Variants in ZNF507 observed in about 807,000 individuals in gnomAD.
ZNF507 encodes the protein zinc finger protein 507.
A neutral mutation model predicts 80.0 loss-of-function variants in ZNF507; 29 were observed. The observed-to-expected ratio is 0.36, with a 90% CI of 0.27 to 0.49. The LOEUF (loss-of-function observed/expected upper bound fraction) is 0.49, where lower values mean the gene tolerates loss of function less well. Among genes scored for constraint, ZNF507 ranks in the 20% least tolerant of loss-of-function variants. The pLI, the probability that ZNF507 is intolerant of heterozygous loss-of-function variation, is 0.98. For synonymous variants in ZNF507, 462 were observed against 422.5 expected, an observed-to-expected ratio of 1.09 and a Z score of -1.15; for missense variants, 1,081 against 1,152.2, an observed-to-expected ratio of 0.94 and a Z score of 0.90.
intron 2 of ZNF507, 60 bp from the exon 3 acceptor site, chr19:32,352,769 T>G (rs1300273159): frequency 6.9e-7 from 1 of 1,449,558 alleles, no homozygotes; most frequent in Non-Finnish European, 9.3e-7. Flanking sequence ...ATTTTCCAAA[T>G]TACATGCCTG....
At chr19:32,372,012 A>G (rs975820099) in intron 5 of ZNF507, among the ~76,000 whole-genome samples, 1 of 152,184 alleles carries the variant, frequency 6.6e-6, no homozygotes, top group Non-Finnish European at 1.5e-5. Context: ...CAGTGCATTT[A>G]TATTGATGTG....
chr19:32,350,727 C>T (rs1284424242), intron 2 of ZNF507, among the ~76,000 whole-genome samples: 1 of 152,174 alleles, frequency 6.6e-6, no homozygotes, highest in East Asian at 1.9e-4. Context: ...ATGGGTGTTA[C>T]ATTTCATGGG....
At chr19:32,350,571 CA>C (rs1428193857) in intron 2 of ZNF507, among the ~76,000 whole-genome samples, 35 of 152,226 alleles carry the variant, frequency 2.3e-4, no homozygotes, top group Middle Eastern at 3.4e-3. Flanking sequence ...CTGAAATATC[CA>C]CAGGGAGCAA....
At chr19:32,381,106 TA>T (rs1187273605) in intron 5 of ZNF507, among the ~76,000 whole-genome samples, 2 of 152,130 alleles carry the variant, frequency 1.3e-5, no homozygotes, top group Non-Finnish European at 2.9e-5. Context: ...GAAAGACATG[TA>T]AAAACCATAC....
intron 5 of ZNF507, among the ~76,000 whole-genome samples, chr19:32,363,071 G>A (rs754400870): frequency 1.3e-5 from 2 of 152,180 alleles, no homozygotes; most frequent in Non-Finnish European, 2.9e-5. Flanking sequence ...TGCTTTAAGC[G>A]GAGCTGGTAG....
intron 5 of ZNF507, among the ~76,000 whole-genome samples, chr19:32,372,837 T>G (rs1241934682): frequency 6.6e-6 from 1 of 152,082 alleles, no homozygotes; most frequent in Non-Finnish European, 1.5e-5. Flanking sequence ...CAACGTTAGT[T>G]TTGGTGTTGA....
At chr19:32,370,592 C>T (rs550714234) in intron 5 of ZNF507, among the ~76,000 whole-genome samples, 2 of 152,128 alleles carry the variant, frequency 1.3e-5, no homozygotes, top group African/African-American at 2.4e-5. Context: ...TGTCCTTCTG[C>T]TATTGAGTTA....
chr19:32,358,848 T>A (rs1967285541), intron 4 of ZNF507: 1 of 152,200 alleles, frequency 6.6e-6, no homozygotes, highest in African/African-American at 2.4e-5. Flanking sequence ...GCATTTCCAA[T>A]TTGTAGATGA....
intron 5 of ZNF507, among the ~76,000 whole-genome samples, chr19:32,378,094 G>A (rs546710150): frequency 2.6e-5 from 4 of 152,198 alleles, no homozygotes; most frequent in East Asian, 3.9e-4. Flanking sequence ...GGCTCAGTGC[G>A]TGTAATCCCA....
Position 32,354,000 on chromosome 19 carries a change from TA to T in ZNF507, c.1176del (p.His394MetfsTer4). 6.2e-7 allele frequency: 1 copy of T among 1,613,948 alleles called. No individual in the cohort carries two copies. The highest frequency in any genetic ancestry group is 8.5e-7 in the Non-Finnish European group (1 of 1,179,980). ...AQKIISSSPN[K>X]KGHVNVIVER... is the part of the protein sequence containing the mutation. The stretch of plus-strand genomic sequence containing the variant: ...AGAAAATCATCAGCAGCAGCCCCAA[TA>T]AAAAAGGGCATGTTAACGTGATAGT... On this transcript the variant is annotated frameshift_variant, in exon 3 of 7. Coordinates refer to ENST00000355898, the MANE Select transcript of ZNF507 (RefSeq NM_001136156.2). LOFTEE classifies it high-confidence loss of function.
chr19:32,375,196 T>C (rs576612095), intron 5 of ZNF507, among the ~76,000 whole-genome samples: 1 of 152,208 alleles, frequency 6.6e-6, no homozygotes, highest in Non-Finnish European at 1.5e-5. Flanking sequence ...CATTTGCCGA[T>C]GTCTGGAGAC....
Position 32,353,390 on chromosome 19 carries a change from A to T in ZNF507, c.560A>T (p.Gln187Leu). Residue 187 changes from glutamine to leucine, a missense_variant, in exon 3 of 7, where the codon CAA becomes CTA. Around this residue, in one of 6 missense-constraint regions of ZNF507, gnomAD observed 275 missense variants for 303.9 expected, o/e 0.90. Coordinates refer to ENST00000355898, the MANE Select transcript of ZNF507 (RefSeq NM_001136156.2). ...GACAATGATGCCAATATCCACACCC[A>T]ATCCAAAGCCCAACAGTGCGTAAGC... is the stretch of plus-strand genomic sequence containing the variant. Reference protein sequence around the residue: ...DHDNDANIHTQSKAQQCVSPS... With the variant: ...DHDNDANIHTLSKAQQCVSPS... The T allele has an allele frequency of 6.2e-7, 1 of 1,614,222 alleles. No individual in the cohort carries two copies. Among genetic ancestry groups the T allele is most frequent in the Non-Finnish European group, 8.5e-7 (1 of 1,180,044 alleles).
rs149527910 is a variant in ZNF507, at chr19:32,353,654, A to G, written c.824A>G (p.Asp275Gly). The G allele has an allele frequency of 2.5e-6, 4 of 1,614,070 alleles. No individual in the cohort carries two copies. The African/African-American group carries it at 4.0e-5, about 16-fold the overall frequency. ...THAWKHAGEV[D>G]CSYPIFENEN... is the part of the protein sequence containing the mutation. Reference sequence around the variant, plus strand: ...GCTTGGAAACATGCTGGGGAGGTTGATTGCTCCTATCCAATCTTTGAAAAT... The same window carrying G: ...GCTTGGAAACATGCTGGGGAGGTTGGTTGCTCCTATCCAATCTTTGAAAAT... The change falls in exon 3 of 7, where the codon GAT becomes GGT. Residue 275 changes from aspartate to glycine, a missense_variant. Transcript: ENST00000355898.
chr19:32,358,281 C>G (rs1967277648), intron 4 of ZNF507: 1 of 152,152 alleles, frequency 6.6e-6, no homozygotes, highest in African/African-American at 2.4e-5. Context: ...ATTTTTAGCT[C>G]ACAAATAAGG....
chr19:32,348,354 A>C (rs1190026824), intron 2 of ZNF507, among the ~76,000 whole-genome samples: 3 of 152,162 alleles, frequency 2.0e-5, no homozygotes, highest in Non-Finnish European at 4.4e-5. Flanking sequence ...TCTGAAAGAG[A>C]AGGTTCTTTT....
At chr19:32,358,304 A>T (rs1967277964) in intron 4 of ZNF507, 1 of 152,234 alleles carries the variant, frequency 6.6e-6, no homozygotes, top group African/African-American at 2.4e-5. Context: ...ATAATAATTC[A>T]TGCTTTGTTA....
intron 5 of ZNF507, among the ~76,000 whole-genome samples, chr19:32,363,451 A>G (rs551079894): frequency 2.6e-5 from 4 of 152,196 alleles, no homozygotes; most frequent in Admixed American, 2.6e-4. Context: ...CCAGTCCTTC[A>G]ATGACCCCAT....
chr19:32,355,826 C>T (rs1967244025), intron 3 of ZNF507, among the ~76,000 whole-genome samples: 1 of 151,910 alleles, frequency 6.6e-6, no homozygotes, highest in African/African-American at 2.4e-5. Context: ...ACTGTGAAAC[C>T]CTGTCTGCTA....
intron 5 of ZNF507, among the ~76,000 whole-genome samples, chr19:32,378,312 C>T (rs774578813): frequency 5.9e-5 from 9 of 152,082 alleles, no homozygotes; most frequent in Non-Finnish European, 1.2e-4. Flanking sequence ...GAGACCACAA[C>T]GCTGCACTCC....
Sources: gnomAD v4.1 joint callset for allele counts (sites outside exome capture counted in the v4.1 genomes callset) on GRCh38, gnomAD v4.1.1 for gene constraint, gnomAD v4.1.1 regional missense constraint, MANE v1.5 for transcripts, NCBI Gene and HGNC (gene_info 2026-07-23, HGNC 2026-07-21) for gene names.